PEDS1: variants seen among roughly 807,000 people sequenced by gnomAD.
The protein encoded by PEDS1 is CarF homolog.
A neutral mutation model predicts 35.2 loss-of-function variants in PEDS1; 14 were observed. That is an observed-to-expected ratio of 0.40 (90% CI 0.26 to 0.62). PEDS1 has a LOEUF of 0.62. PEDS1 is among the 20% of genes least tolerant of loss of function. The probability of loss-of-function intolerance (pLI) is 0.44; values close to 1 mark genes in which losing one functional copy is unlikely to be tolerated. For synonymous variants in PEDS1, 152 were observed against 152.0 expected (o/e 1.00, Z 0.00); for missense variants, 260 against 367.8 (o/e 0.71, Z 2.40).
At chr20:50,144,127 G>C (rs1342227005) in intron 1 of PEDS1, among the ~76,000 whole-genome samples, 2 of 152,172 alleles carry the variant, frequency 1.3e-5, no homozygotes, top group Non-Finnish European at 2.9e-5. Flanking sequence ...CAAACAGTCA[G>C]GGCTGGATGC....
In PEDS1 at chr20:50,128,205, G is replaced by C. The variant is rs138028944; in HGVS notation, c.479-18C>G. On this transcript the variant is annotated intron_variant, in intron 4 of 5. Transcript: ENST00000371652. This position sits in a 1 kb window ranked among gnomAD's most constrained non-coding sequence, Gnocchi z 5.2. ...CAGGGCTTCTGCAGGTTGGGGAGAG[G>C]GGGGGCCGGCACAGCTGTCACTCGG... 0.014 allele frequency: 22,039 copies of C among 1,613,318 alleles called. 191 individuals carry two copies. Among genetic ancestry groups the C allele is most frequent in the Non-Finnish European group, 0.015 (17,981 of 1,179,762 alleles).
intron 1 of PEDS1, among the ~76,000 whole-genome samples, chr20:50,150,054 C>G (rs534942418): frequency 6.6e-6 from 1 of 152,084 alleles, no homozygotes; most frequent in East Asian, 1.9e-4. Context: ...AGGGCAGATG[C>G]GGGCCTAACC....
intron 2 of PEDS1, among the ~76,000 whole-genome samples, chr20:50,133,550 C>G (rs2081201161): frequency 6.6e-6 from 1 of 152,022 alleles, no homozygotes; most frequent in African/African-American, 2.4e-5. Flanking sequence ...GGAGGGTGGA[C>G]CCAGGCCAGG....
chr20:50,150,187 C>T (rs2081388210), intron 1 of PEDS1, among the ~76,000 whole-genome samples: 1 of 152,128 alleles, frequency 6.6e-6, no homozygotes, highest in African/African-American at 2.4e-5. Context: ...TGGGGATGCA[C>T]GGAGAGCAGG....
intron 1 of PEDS1, among the ~76,000 whole-genome samples, chr20:50,148,547 G>A (rs756439991): frequency 2.6e-5 from 4 of 152,228 alleles, no homozygotes; most frequent in Admixed American, 1.3e-4. Context: ...GGTATGGGGA[G>A]CTAGGAAGAG....
chr20:50,147,496 G>C (rs232737), intron 1 of PEDS1, among the ~76,000 whole-genome samples: 89,307 of 152,002 alleles, frequency 0.59, 27,371 homozygotes, highest in African/African-American at 0.78. Context: ...GTATCAGCCC[G>C]TCAAGGAAGG....
Position 50,124,860 on chromosome 20 carries a change from A to AG in PEDS1, c.*197dup. The AG allele has an allele frequency of 1.7e-5, 11 of 635,026 alleles. No individual in the cohort carries two copies. The highest frequency in any genetic ancestry group is 5.0e-4 in the Middle Eastern group (1 of 2,008). The allele number at this position is 635,026 out of a possible 1,614,324, so 39.3% of individuals were successfully genotyped here. A position where few individuals can be genotyped will look rare whatever the true frequency, so the allele number is the denominator to read the frequency against. On this transcript the variant is annotated 3_prime_UTR_variant, in exon 6 of 6. Coordinates refer to ENST00000371652, the MANE Select transcript of PEDS1 (RefSeq NM_199129.4). The stretch of plus-strand genomic sequence containing the variant: ...AACTCAGGTGGCTGAGGAGGGGCCG[A>AG]GGAAAAAAAAAAAAAAGAAATGAAA...
At chr20:50,142,367 G>C (rs1001647961) in intron 2 of PEDS1, among the ~76,000 whole-genome samples, 9 of 152,198 alleles carry the variant, frequency 5.9e-5, no homozygotes, top group African/African-American at 2.2e-4. Flanking sequence ...AGAGATGTTG[G>C]GAGAGATAGA....
intron 2 of PEDS1, among the ~76,000 whole-genome samples, chr20:50,135,438 C>T (rs933773167): frequency 3.9e-5 from 6 of 151,984 alleles, no homozygotes; most frequent in African/African-American, 1.5e-4. Flanking sequence ...GCAAGCGGAT[C>T]GCCTGAGGTC....
chr20:50,145,026 A>G (rs2081331606), intron 1 of PEDS1, among the ~76,000 whole-genome samples: 1 of 151,862 alleles, frequency 6.6e-6, no homozygotes, highest in South Asian at 2.1e-4. Flanking sequence ...AACATGGTGA[A>G]ACCCCATCTC....
chr20:50,144,918 G>T (rs1043812154), intron 1 of PEDS1, among the ~76,000 whole-genome samples: 55 of 151,974 alleles, frequency 3.6e-4, no homozygotes, highest in African/African-American at 1.2e-3. Flanking sequence ...AAAAATAAAA[G>T]GGGGCCATGC....
intron 2 of PEDS1, among the ~76,000 whole-genome samples, chr20:50,134,212 A>G (rs1274605181): frequency 2.0e-5 from 3 of 152,214 alleles, no homozygotes; most frequent in African/African-American, 7.2e-5. Flanking sequence ...CATAGCTCGG[A>G]CTAATGACAT....
chr20:50,126,069 T>A (rs926501548), intron 5 of PEDS1, among the ~76,000 whole-genome samples: 1 of 152,142 alleles, frequency 6.6e-6, no homozygotes, highest in Non-Finnish European at 1.5e-5. Context: ...CCTGTAACCA[T>A]CTTCGTTAAT....
At chr20:50,152,339 C>A (rs995408955) in intron 1 of PEDS1, among the ~76,000 whole-genome samples, 2 of 152,182 alleles carry the variant, frequency 1.3e-5, no homozygotes, top group Non-Finnish European at 2.9e-5. Context: ...CAGGCAAGGG[C>A]TGCATGTGGT....
chr20:50,151,150 G>C (rs1173045520), intron 1 of PEDS1: 21 of 934,338 alleles, frequency 2.2e-5, no homozygotes, highest in Non-Finnish European at 2.9e-5. Context: ...TGAGCAGATA[G>C]AAGCAGAGAG....
chr20:50,133,299 G>A (rs2081198509), intron 2 of PEDS1, among the ~76,000 whole-genome samples: 1 of 152,148 alleles, frequency 6.6e-6, no homozygotes, highest in Non-Finnish European at 1.5e-5. Flanking sequence ...GAGGGGTGGT[G>A]GGGGTGGGGG....
In PEDS1 at chr20:50,128,746, T is replaced by A. The variant is rs142581701; in HGVS notation, c.479-559A>T. ...GTTCCTGCAAGGAGCTCTGAGGTGT[T>A]AACGGCTCTTTAGAATTAGACCCAC... On this transcript the variant is annotated intron_variant, in intron 4 of 5. Transcript: ENST00000371652. This position sits in a 1 kb window ranked among gnomAD's most constrained non-coding sequence, Gnocchi z 5.2. Among the ~76,000 whole-genome samples, 635 of 152,290 alleles carry A rather than the reference T, an allele frequency of 4.2e-3. 5 individuals are homozygous for A. Among genetic ancestry groups the A allele is most frequent in the African/African-American group, 0.015 (611 of 41,542 alleles).
Position 50,129,839 on chromosome 20 carries a change from C to T in PEDS1, c.334-149G>A, listed in dbSNP as rs534732849. ...GGATGCTTGAACATTCCCACCTGGC[C>T]CACTGCCAGACACAGACCCCATCCA... On this transcript the variant is annotated intron_variant, in intron 3 of 5. Coordinates refer to ENST00000371652, the MANE Select transcript of PEDS1 (RefSeq NM_199129.4). This position sits in a 1 kb window ranked among gnomAD's most constrained non-coding sequence, Gnocchi z 4.2. 5 of 1,341,812 alleles carry T rather than the reference C, an allele frequency of 3.7e-6. No individual in the cohort carries two copies. The African/African-American group carries it at 5.8e-5, about 16-fold the overall frequency. 83.1% of individuals were successfully genotyped at this position (1,341,812 alleles called of 1,614,324 possible).
At chr20:50,145,599 G>T (rs1007823568) in intron 1 of PEDS1, among the ~76,000 whole-genome samples, 1 of 152,052 alleles carries the variant, frequency 6.6e-6, no homozygotes, top group Non-Finnish European at 1.5e-5. Context: ...GGAGAGGCAG[G>T]AGAATCGCTT....
Sources: gnomAD v4.1 joint callset for allele counts (sites outside exome capture counted in the v4.1 genomes callset) on GRCh38, gnomAD v4.1.1 for gene constraint, Gnocchi (gnomAD v3.1) non-coding constraint, MANE v1.5 for transcripts, NCBI Gene and HGNC (gene_info 2026-07-23, HGNC 2026-07-21) for gene names.